ADAMTS20: variants seen among roughly 807,000 people sequenced by gnomAD.
ADAMTS20 encodes the protein ADAM metallopeptidase with thrombospondin type 1 motif 20.
In ADAMTS20, 225 loss-of-function variants were observed where a neutral mutation model predicts 260.1. The ratio of observed to expected loss-of-function variants is 0.87; its 90% CI spans 0.78 to 0.97. The LOEUF is 0.97. ADAMTS20 is among the 50% of genes least tolerant of loss of function. The pLI is 0.00. For synonymous variants in ADAMTS20, 802 were observed against 769.5 expected, an observed-to-expected ratio of 1.04 and a Z score of -0.70; for missense variants, 2,400 against 2,337.7, an observed-to-expected ratio of 1.03 and a Z score of -0.55.
At chr12:43,454,120 TA>T in intron 11 of ADAMTS20, 68 bp from the exon 12 acceptor site, 1 of 1,535,128 alleles carries the variant, frequency 6.5e-7, no homozygotes, top group Non-Finnish European at 8.8e-7. Flanking sequence ...AAAATTATAA[TA>T]GCAGCATAAA....
chr12:43,453,890 AC>A lies in ADAMTS20; in HGVS notation c.1760+16del, dbSNP rs771593563. 25 of 1,576,094 alleles carry A rather than the reference AC, an allele frequency of 1.6e-5. No homozygotes were observed. Among genetic ancestry groups the A allele is most frequent in the Non-Finnish European group, 2.2e-5 (25 of 1,159,476 alleles). On this transcript the variant is annotated intron_variant, in intron 12 of 38. Coordinates refer to ENST00000389420, the MANE Select transcript of ADAMTS20 (RefSeq NM_025003.5). ...CTTGAGATAATCTTAATTTATAGTG[AC>A]ATAAAAAAGACATACTCAGGACGAT...
chr12:43,520,797 T>A (rs1943060803), intron 3 of ADAMTS20, among the ~76,000 whole-genome samples: 1 of 152,230 alleles, frequency 6.6e-6, no homozygotes, highest in Admixed American at 6.5e-5. Flanking sequence ...CATTAATTAA[T>A]GGCACCTTCT....
chr12:43,408,326 A>T (rs942526939), intron 28 of ADAMTS20, among the ~76,000 whole-genome samples: 15 of 152,212 alleles, frequency 9.9e-5, no homozygotes, highest in African/African-American at 3.6e-4. Context: ...GACCATAAAA[A>T]GCTAAAGAGA....
chr12:43,448,080 A>G (rs1941795149), intron 14 of ADAMTS20, among the ~76,000 whole-genome samples: 1 of 152,222 alleles, frequency 6.6e-6, no homozygotes, highest in Non-Finnish European at 1.5e-5. Context: ...CAATGTACAC[A>G]TCCAATGCCA....
In ADAMTS20 at chr12:43,492,576, T is replaced by C; in HGVS notation, c.1005A>G (p.Ser335=). ...DGATTLKNFC[S]WQQTQNDLDD... is the part of the protein sequence containing the mutation. ...CAAGGTCATTCTGAGTTTGTTGCCATGAACAAAAGTTCTTTAATGTGGTAG... is the reference window on the plus strand; with the variant it reads ...CAAGGTCATTCTGAGTTTGTTGCCACGAACAAAAGTTCTTTAATGTGGTAG... The change falls in exon 6 of 39, where the codon TCA becomes TCG. Residue 335 remains serine (S), a synonymous_variant. Transcript: ENST00000389420. 6.2e-7 allele frequency: 1 copy of C among 1,613,886 alleles called. No individual in the cohort carries two copies. The highest frequency in any genetic ancestry group is 1.1e-5 in the South Asian group (1 of 91,070).
At chr12:43,402,687 G>A (rs1029892932) in intron 28 of ADAMTS20, among the ~76,000 whole-genome samples, 38 of 152,126 alleles carry the variant, frequency 2.5e-4, no homozygotes, top group African/African-American at 8.4e-4. Flanking sequence ...CAAACATGCA[G>A]TTTTTTCTTC....
chr12:43,408,359 C>A (rs1177071539), intron 28 of ADAMTS20, among the ~76,000 whole-genome samples: 3 of 152,088 alleles, frequency 2.0e-5, no homozygotes, highest in African/African-American at 4.8e-5. Context: ...CTAAAGCATA[C>A]CTTTTTACAA....
At chr12:43,493,859 T>A (rs750098296) in intron 4 of ADAMTS20, among the ~76,000 whole-genome samples, 3 of 152,186 alleles carry the variant, frequency 2.0e-5, no homozygotes, top group African/African-American at 4.8e-5. Flanking sequence ...GGCAGATCCA[T>A]CTAGAATCAT....
At chr12:43,493,032 G>A in intron 5 of ADAMTS20, 138 bp downstream of exon 5, 1 of 664,236 alleles carries the variant, frequency 1.5e-6, no homozygotes, top group Non-Finnish European at 2.6e-6. Flanking sequence ...ACAAATAAGG[G>A]TAATCTCATT....
At chr12:43,362,845 A>G (rs1425697902) in intron 37 of ADAMTS20, among the ~76,000 whole-genome samples, 6 of 150,794 alleles carry the variant, frequency 4.0e-5, no homozygotes, top group Non-Finnish European at 5.9e-5. Flanking sequence ...AAAAAAAAAA[A>G]GGTGAAAAGG....
At chr12:43,442,754 T>A (rs1941691063) in intron 16 of ADAMTS20, among the ~76,000 whole-genome samples, 1 of 152,318 alleles carries the variant, frequency 6.6e-6, no homozygotes, top group Middle Eastern at 3.4e-3. Context: ...GGCTAATAAA[T>A]CAAACTATTT....
chr12:43,381,951 T>A (rs147322706), intron 31 of ADAMTS20, among the ~76,000 whole-genome samples: 1 of 152,104 alleles, frequency 6.6e-6, no homozygotes, highest in South Asian at 2.1e-4. Context: ...AGGATGGTTA[T>A]GTTAAAAAAA....
rs1242310838 is a variant in ADAMTS20 at position 43,375,499 on chromosome 12, A to G, written c.5326T>C (p.Tyr1776His). The change falls in exon 36 of 39, where the codon TAT (tyrosine) becomes CAT (histidine). Residue 1776 changes from tyrosine to histidine, a missense_variant. Tyr to His is a moderately conservative substitution (Grantham distance 83). Transcript: ENST00000389420. ...CTACTCCCATTAAAAGGACATTGAT[A>G]TGGATTTTTTAGTCTGTAACAACAT... Reference protein sequence around the residue: ...EVYGFRLKNPYQCPFNGSRRE... With the variant: ...EVYGFRLKNPHQCPFNGSRRE... 4 of 1,613,270 alleles carry G rather than the reference A, an allele frequency of 2.5e-6. No homozygotes were observed. The African/African-American group carries it at 4.0e-5, about 16-fold the overall frequency.
In ADAMTS20 at chr12:43,379,266, G is replaced by A. The variant is rs115545543; in HGVS notation, c.4798-1704C>T. Among the ~76,000 whole-genome samples the A allele has an allele frequency of 2.4e-3, 363 of 152,242 alleles. 3 individuals carry two copies. Among genetic ancestry groups the A allele is most frequent in the African/African-American group, 8.2e-3 (339 of 41,540 alleles). Reference sequence around the variant, plus strand: ...CATTGTTTAACTTTGCAGTTTCCAGGATGCTGAATAACAGTTGGAGCAACA... The same window carrying A: ...CATTGTTTAACTTTGCAGTTTCCAGAATGCTGAATAACAGTTGGAGCAACA... On this transcript the variant is annotated intron_variant, in intron 31 of 38. Transcript: ENST00000389420.
At chr12:43,532,597 A>C (rs1943240494) in intron 2 of ADAMTS20, among the ~76,000 whole-genome samples, 1 of 127,686 alleles carries the variant, frequency 7.8e-6, no homozygotes, top group Non-Finnish European at 1.6e-5. Context: ...GTACATGTGC[A>C]CATTGTGCAG....
At chr12:43,522,634 C>G (rs1943087947) in intron 3 of ADAMTS20, among the ~76,000 whole-genome samples, 1 of 152,126 alleles carries the variant, frequency 6.6e-6, no homozygotes, top group African/African-American at 2.4e-5. Flanking sequence ...AATTCAGAGG[C>G]TTTGTTTCAT....
chr12:43,493,043 C>A, intron 5 of ADAMTS20, 127 bp downstream of exon 5: 1 of 693,972 alleles, frequency 1.4e-6, no homozygotes, highest in Non-Finnish European at 2.4e-6. Flanking sequence ...TAATCTCATT[C>A]CTTCTCAAAT....
chr12:43,501,055 C>CTTTTTTTTTTTTTTTTTTTTTTTTTTTT, intron 4 of ADAMTS20, among the ~76,000 whole-genome samples: 1 of 104,870 alleles, frequency 9.5e-6, no homozygotes, highest in Non-Finnish European at 1.8e-5. Context: ...CTATGTAATT[C>CTTTTTTTTTTTTTTTTTTTTTTTTTTTT]TTTTTTTTTT....
chr12:43,354,259 C>A lies in ADAMTS20; in HGVS notation c.5683G>T (p.Gly1895Ter). 1 of 1,594,690 alleles carries A rather than the reference C, an allele frequency of 6.3e-7. No individual in the cohort carries two copies. Among genetic ancestry groups the A allele is most frequent in the East Asian group, 2.2e-5 (1 of 44,474 alleles). ...GTAGTCATGTGAGGAAGACACTTTC[C>A]ACAGTACCCTCCACATTTGCCGAAA... ...RFFGKCGGYCGKCLPHMTTGL... is the reference protein window; with the variant it reads ...RFFGKCGGYC The change falls in exon 39 of 39, where the codon GGA (glycine) becomes TGA (stop). Residue 1895 changes from glycine to a stop codon, truncating the protein, a stop_gained. Transcript: ENST00000389420. LOFTEE classifies it high-confidence loss of function.
Sources: allele counts gnomAD v4.1 joint callset (sites outside exome capture counted in the v4.1 genomes callset), GRCh38; gene constraint gnomAD v4.1.1; transcripts MANE v1.5; gene names NCBI Gene and HGNC (gene_info 2026-07-23, HGNC 2026-07-21).